Variants in TMEM131 observed in about 807,000 individuals in gnomAD.
TMEM131 encodes 2610524E03Rik.
Under a neutral mutation model 211.6 loss-of-function variants are expected in TMEM131, and 66 were observed. The ratio of observed to expected loss-of-function variants is 0.31; its 90% CI spans 0.26 to 0.38. The LOEUF is 0.38. Among genes scored for constraint, TMEM131 ranks in the 10% least tolerant of loss-of-function variants. TMEM131 has a pLI of 1.00. For missense variants in TMEM131, 2,036 were observed against 2,299.3 expected, an observed-to-expected ratio of 0.89 and a Z score of 2.34; for synonymous variants, 844 against 841.3, an observed-to-expected ratio of 1.00 and a Z score of -0.06.
chr2:97,908,774 T>C (rs1442327495), intron 2 of TMEM131, 76 bp from the exon 3 acceptor site: 1 of 1,255,170 alleles, frequency 8.0e-7, no homozygotes, highest in African/African-American at 1.5e-5. Context: ...ATATCCAAAA[T>C]ATTCTATTTT....
chr2:97,988,691 T>C (rs559520889), intron 1 of TMEM131, among the ~76,000 whole-genome samples: 93 of 152,258 alleles, frequency 6.1e-4, no homozygotes, highest in African/African-American at 2.1e-3. Context: ...CATTAATCAT[T>C]AGAAAAATGC....
At chr2:97,901,832 T>C (rs936478946) in intron 3 of TMEM131, among the ~76,000 whole-genome samples, 2 of 152,130 alleles carry the variant, frequency 1.3e-5, no homozygotes, top group Non-Finnish European at 2.9e-5. Context: ...GCTACTGGGC[T>C]CAAGTATACA....
intron 4 of TMEM131, among the ~76,000 whole-genome samples, chr2:97,878,627 C>G (rs1358721155): frequency 6.6e-6 from 1 of 152,052 alleles, no homozygotes; most frequent in African/African-American, 2.4e-5. Context: ...TGTTCTTACT[C>G]GTAAGTGGGA....
rs1463984121 is a variant in TMEM131, at chr2:97,756,851, T to C, written c.*248A>G. The C allele has an allele frequency of 2.3e-5, 9 of 388,554 alleles. No individual in the cohort carries two copies. Among genetic ancestry groups the C allele is most frequent in the Non-Finnish European group, 4.1e-5 (9 of 218,926 alleles). The allele number at this position is 388,554 out of a possible 1,614,324, so 24.1% of individuals were successfully genotyped here. On this transcript the variant is annotated 3_prime_UTR_variant, in exon 41 of 41. Coordinates refer to ENST00000186436, the MANE Select transcript of TMEM131 (RefSeq NM_015348.2). ...CGGGAAAGGTTCTCAGATGTACAGG[T>C]CTTATTAGAGTTTGTGGCTGAGTCC... is the stretch of plus-strand genomic sequence containing the variant.
chr2:97,939,173 A>T (rs1281304516), intron 1 of TMEM131, among the ~76,000 whole-genome samples: 1 of 152,218 alleles, frequency 6.6e-6, no homozygotes, highest in African/African-American at 2.4e-5. Context: ...AGAAATAACT[A>T]AGATCAGAGC....
chr2:97,951,474 T>C (rs1483152874), intron 1 of TMEM131, among the ~76,000 whole-genome samples: 1 of 152,138 alleles, frequency 6.6e-6, no homozygotes, highest in Non-Finnish European at 1.5e-5. Flanking sequence ...ACCTCACTGG[T>C]AAGCTTCTCA....
At chr2:97,867,109 A>G (rs1032468002) in intron 4 of TMEM131, among the ~76,000 whole-genome samples, 1 of 152,210 alleles carries the variant, frequency 6.6e-6, no homozygotes, top group Non-Finnish European at 1.5e-5. Flanking sequence ...GGATTAGCAT[A>G]TGGTCTATCT....
rs776527445 is a variant in TMEM131 at position 97,888,115 on chromosome 2, G to A, written c.296C>T (p.Ser99Phe). The A allele has an allele frequency of 2.5e-6, 4 of 1,611,790 alleles. No individual in the cohort carries two copies. Among genetic ancestry groups the A allele is most frequent in the Admixed American group, 1.7e-5 (1 of 59,878 alleles). The change falls in exon 4 of 41, where the codon TCT becomes TTT. Residue 99 changes from serine (S) to phenylalanine (F), a missense_variant. Physicochemically the swap from Ser to Phe is radical, Grantham distance 155 (BLOSUM62 -2). This residue lies in a region of TMEM131 where 277 missense variants were observed against 378.0 expected (regional missense o/e 0.73). Transcript: ENST00000186436. Reference sequence around the variant, plus strand: ...GGGCCTGCAATTCCCCCGGTAGAGAGATATACTGTAAATAAAAAGAAAACA... The same window carrying A: ...GGGCCTGCAATTCCCCCGGTAGAGAAATATACTGTAAATAAAAAGAAAACA... ...GLSSYQQKSI[S>F]LYRGNCRPIR...
chr2:97,980,162 C>G (rs777232174), intron 1 of TMEM131, among the ~76,000 whole-genome samples: 4 of 152,108 alleles, frequency 2.6e-5, no homozygotes, highest in Non-Finnish European at 5.9e-5. Flanking sequence ...CATCAAAGAT[C>G]ACTGATTGCA....
intron 1 of TMEM131, among the ~76,000 whole-genome samples, chr2:97,931,236 T>C (rs1478855728): frequency 2.6e-5 from 4 of 151,954 alleles, no homozygotes; most frequent in African/African-American, 7.3e-5. Context: ...ACTCTGAAGC[T>C]GGGCTCAGTA....
intron 11 of TMEM131, among the ~76,000 whole-genome samples, chr2:97,823,393 T>C (rs1682219570): frequency 6.6e-6 from 1 of 152,158 alleles, no homozygotes. Context: ...TCCTGATAGG[T>C]ATACAGATGT....
At chr2:97,890,618 A>G (rs989625816) in intron 3 of TMEM131, among the ~76,000 whole-genome samples, 50 of 152,170 alleles carry the variant, frequency 3.3e-4, no homozygotes, top group African/African-American at 9.2e-4. Flanking sequence ...AAAAGTTACT[A>G]ATTTTCACGT....
rs1341937419 is a variant in TMEM131, at chr2:97,980,780, G to T, written c.187+14696C>A. On this transcript the variant is annotated intron_variant, in intron 1 of 40. Transcript: ENST00000186436. ...AAGTTGGAAGAATCTCAAGTGTCTT[G>T]TGCTGAGTAAAATAAACCAGTCTTA... Among the ~76,000 whole-genome samples the T allele has an allele frequency of 3.9e-5, 6 of 151,970 alleles. No individual in the cohort carries two copies. The South Asian group carries it at 1.2e-3, about 31-fold the overall frequency.
Position 97,815,291 on chromosome 2 carries a change from C to CT in TMEM131, c.1199dup (p.Pro401AlafsTer11). On this transcript the variant is annotated frameshift_variant, in exon 13 of 41. Coordinates refer to ENST00000186436, the MANE Select transcript of TMEM131 (RefSeq NM_015348.2). LOFTEE classifies it high-confidence loss of function. ...TTATTTTCCCAGAAAACTGAGATGG[C>CT]TTTTTTGCCTTCGATGCTGAAAGGA... The CT allele has an allele frequency of 6.4e-7, 1 of 1,567,036 alleles. No homozygotes were observed. The highest frequency in any genetic ancestry group is 8.6e-7 in the Non-Finnish European group (1 of 1,165,792).
chr2:97,815,157 A>C, intron 13 of TMEM131, 42 bp downstream of exon 13: 1 of 1,112,820 alleles, frequency 9.0e-7, no homozygotes, highest in Non-Finnish European at 1.3e-6. Context: ...TAATTTACTG[A>C]TTAGTAAAAA....
chr2:97,792,525 G>A lies in TMEM131; in HGVS notation c.4005C>T (p.Ala1335=). ...CCTCGGAACTGTGCCTCGCGCTGCT[G>A]GCACGTTCTGGGTGGGAAGGGTGTG... The part of the protein sequence containing the change: ...PLAHPSHPER[A]SSARHSSEDS... Residue 1335 remains alanine, a synonymous_variant, in exon 31 of 41, where the codon GCC becomes GCT. Transcript: ENST00000186436. The A allele has an allele frequency of 6.2e-7, 1 of 1,613,524 alleles. No individual in the cohort carries two copies. The highest frequency in any genetic ancestry group is 8.5e-7 in the Non-Finnish European group (1 of 1,179,722).
intron 1 of TMEM131, among the ~76,000 whole-genome samples, chr2:97,938,945 AT>A (rs1677581050): frequency 6.6e-6 from 1 of 152,228 alleles, no homozygotes; most frequent in South Asian, 2.1e-4. Context: ...ACATAACGAA[AT>A]GAAGGCAGAA....
At chr2:97,921,592 T>C (rs1287972141) in intron 2 of TMEM131, among the ~76,000 whole-genome samples, 1 of 152,200 alleles carries the variant, frequency 6.6e-6, no homozygotes, top group East Asian at 1.9e-4. Context: ...CTATTTTCAA[T>C]ATATGTAACC....
At chr2:97,961,717 ACAG>A (rs1239217773) in intron 1 of TMEM131, among the ~76,000 whole-genome samples, 4 of 152,268 alleles carry the variant, frequency 2.6e-5, no homozygotes, top group African/African-American at 9.6e-5. Context: ...AAATCGAAAA[ACAG>A]ACACGCAAAT....
Sources: gnomAD v4.1 joint callset for allele counts (sites outside exome capture counted in the v4.1 genomes callset) on GRCh38, gnomAD v4.1.1 for gene constraint, gnomAD v4.1.1 regional missense constraint, MANE v1.5 for transcripts, NCBI Gene and HGNC (gene_info 2026-07-23, HGNC 2026-07-21) for gene names.